The following NRP2 variants were observed in gnomAD, a reference collection of about 807,000 sequenced individuals.
The protein encoded by NRP2 is neuropilin 2.
NRP2 carries 52 observed loss-of-function variants against 110.4 expected under a neutral mutation model. That is an observed-to-expected ratio of 0.47 (90% CI 0.38 to 0.59). The LOEUF is 0.59. Ranked by LOEUF, NRP2 falls within the 20% of genes least tolerant of loss-of-function variation. NRP2 has a pLI of 0.00. For synonymous variants in NRP2, 508 were observed against 468.9 expected, an observed-to-expected ratio of 1.08 and a Z score of -1.08; for missense variants, 1,049 against 1,203.0, an observed-to-expected ratio of 0.87 and a Z score of 1.89.
chr2:205,743,995 T>C (rs930355710), intron 9 of NRP2, among the ~76,000 whole-genome samples: 2 of 152,190 alleles, frequency 1.3e-5, no homozygotes, highest in Non-Finnish European at 2.9e-5. Flanking sequence ...CCACTTGCCT[T>C]GGCCTCTCAA....
At chr2:205,789,986 G>A (rs2058280760) in intron 15 of NRP2, among the ~76,000 whole-genome samples, 1 of 152,300 alleles carries the variant, frequency 6.6e-6, no homozygotes, top group East Asian at 1.9e-4. Context: ...TCCCCAGTGT[G>A]CCATTCTTTC....
At chr2:205,721,280 G>A (rs2057006449) in intron 3 of NRP2, among the ~76,000 whole-genome samples, 2 of 152,158 alleles carry the variant, frequency 1.3e-5, no homozygotes, top group African/African-American at 2.4e-5. Flanking sequence ...CCAGTTTATC[G>A]AGTATTTCTG....
rs538805991 is a variant in NRP2 at position 205,795,204 on chromosome 2, G to A, written c.*146G>A. ...GAAGGTATGGACAGGACAGAAAAGC[G>A]AGTCGCAGGAGGAAGGGAGATGCAG... is the stretch of plus-strand genomic sequence containing the variant. On this transcript the variant is annotated 3_prime_UTR_variant, in exon 17 of 17. Coordinates refer to ENST00000357785, the MANE Select transcript of NRP2 (RefSeq NM_003872.3). 8.1e-6 allele frequency: 7 copies of A among 864,884 alleles called. No homozygotes were observed. Among genetic ancestry groups the A allele is most frequent in the African/African-American group, 1.7e-5 (1 of 60,040 alleles). The allele number at this position is 864,884 out of a possible 1,614,324, so 53.6% of individuals were successfully genotyped here. A position where few individuals can be genotyped will look rare whatever the true frequency, so the allele number is the denominator to read the frequency against.
chr2:205,694,710 G>A (rs1366945763), intron 1 of NRP2, among the ~76,000 whole-genome samples: 2 of 152,110 alleles, frequency 1.3e-5, no homozygotes, highest in Non-Finnish European at 1.5e-5. Context: ...AGTAATGGAT[G>A]GTATAGCTCT....
intron 11 of NRP2, chr2:205,752,595 T>A (rs527302886): frequency 1.9e-6 from 1 of 529,530 alleles, no homozygotes; most frequent in African/African-American, 1.9e-5. Flanking sequence ...GTAGCCTCAT[T>A]CATAATTGCT....
At chr2:205,689,310 T>G (rs898982532) in intron 1 of NRP2, among the ~76,000 whole-genome samples, 35 of 152,208 alleles carry the variant, frequency 2.3e-4, no homozygotes, top group African/African-American at 8.0e-4. Context: ...ATCAGATACT[T>G]AGTCTATGTG....
chr2:205,769,484 G>C, intron 15 of NRP2, among the ~76,000 whole-genome samples: 1 of 138,754 alleles, frequency 7.2e-6, no homozygotes, highest in East Asian at 2.2e-4. Flanking sequence ...GTTTTCTGCT[G>C]TGTGTGTGTA....
intron 4 of NRP2, 85 bp downstream of exon 4, chr2:205,722,793 C>T: frequency 9.0e-7 from 1 of 1,105,210 alleles, no homozygotes; most frequent in South Asian, 1.3e-5. Flanking sequence ...AGAACAAAGA[C>T]TTCAAAGCTC....
rs2057114935 is a variant in NRP2 at position 205,725,741 on chromosome 2, G to T, written c.821-172G>T. Among the ~76,000 whole-genome samples the T allele has an allele frequency of 6.6e-6, 1 of 152,210 alleles. No homozygotes were observed. The highest frequency in any genetic ancestry group is 1.5e-5 in the Non-Finnish European group (1 of 68,038). ...AGTTTCTCTCAGACCCAGAGGGGTT[G>T]TCAAGCTCCATGACTTGATGTAGTT... On this transcript the variant is annotated intron_variant, in intron 5 of 16. Coordinates refer to ENST00000357785, the MANE Select transcript of NRP2 (RefSeq NM_003872.3). The surrounding 1 kb of genome is among the most constrained non-coding windows in gnomAD (Gnocchi z 4.1).
At chr2:205,701,466 G>A (rs950800951) in intron 2 of NRP2, 1 of 151,288 alleles carries the variant, frequency 6.6e-6, no homozygotes, top group Non-Finnish European at 1.5e-5. Context: ...TTGAACCTGG[G>A]AGGCAGAGGC....
chr2:205,715,193 C>T (rs536420179), intron 2 of NRP2, among the ~76,000 whole-genome samples: 11 of 152,254 alleles, frequency 7.2e-5, no homozygotes, highest in East Asian at 5.8e-4. Flanking sequence ...GCAGCACAAA[C>T]GCAGCACAGT....
chr2:205,744,579 G>C (rs948561428), intron 9 of NRP2, among the ~76,000 whole-genome samples: 1 of 152,168 alleles, frequency 6.6e-6, no homozygotes, highest in African/African-American at 2.4e-5. Flanking sequence ...TCATACCTCT[G>C]TCCCTCCCCA....
At chr2:205,770,269 C>T (rs537664846) in intron 15 of NRP2, among the ~76,000 whole-genome samples, 125 of 152,274 alleles carry the variant, frequency 8.2e-4, no homozygotes, top group Non-Finnish European at 1.3e-3. Flanking sequence ...CCCCATTTCT[C>T]GGGTCTCCCT....
chr2:205,730,299 G>A (rs1167426014), intron 7 of NRP2, among the ~76,000 whole-genome samples: 1 of 151,384 alleles, frequency 6.6e-6, no homozygotes, highest in African/African-American at 2.4e-5. Context: ...TGAAGTAGTT[G>A]AGTGAACCGT....
At chr2:205,698,487 G>A (rs993633990) in intron 2 of NRP2, among the ~76,000 whole-genome samples, 7 of 152,220 alleles carry the variant, frequency 4.6e-5, no homozygotes, top group African/African-American at 7.2e-5. Context: ...TACAACATTG[G>A]TTCTGCCACC....
intron 7 of NRP2, among the ~76,000 whole-genome samples, chr2:205,729,173 G>C (rs980301255): frequency 1.3e-5 from 2 of 152,198 alleles, no homozygotes; most frequent in Non-Finnish European, 2.9e-5. Context: ...TGTGATGTTG[G>C]CAGTCTCACT....
chr2:205,707,265 C>T (rs879542834), intron 2 of NRP2, among the ~76,000 whole-genome samples: 5 of 152,214 alleles, frequency 3.3e-5, no homozygotes, highest in Admixed American at 6.5e-5. Context: ...ATGCAGCTGT[C>T]GAAAGCATAG....
At chr2:205,727,505 G>A (rs1165044272) in intron 6 of NRP2, among the ~76,000 whole-genome samples, 1 of 152,158 alleles carries the variant, frequency 6.6e-6, no homozygotes, top group African/African-American at 2.4e-5. Flanking sequence ...GGATTGAACT[G>A]GACAGGAGTA....
chr2:205,696,709 T>C (rs921587813), intron 1 of NRP2, among the ~76,000 whole-genome samples: 5 of 152,210 alleles, frequency 3.3e-5, no homozygotes, highest in Admixed American at 1.3e-4. Context: ...CGGCCAGTTA[T>C]GGCTGGACAA....
Sources: allele counts gnomAD v4.1 joint callset (sites outside exome capture counted in the v4.1 genomes callset), GRCh38; gene constraint gnomAD v4.1.1; non-coding constraint Gnocchi (gnomAD v3.1); transcripts MANE v1.5; gene names NCBI Gene and HGNC (gene_info 2026-07-23, HGNC 2026-07-21).